Variants in FSTL4 observed in about 807,000 individuals in gnomAD.
The protein encoded by FSTL4 is follistatin like 4.
In FSTL4, 28 loss-of-function variants were observed where a neutral mutation model predicts 78.2. That is an observed-to-expected ratio of 0.36 (90% CI 0.27 to 0.49). The LOEUF is 0.49. Among genes scored for constraint, FSTL4 ranks in the 20% least tolerant of loss-of-function variants. The probability of loss-of-function intolerance (pLI) is 0.98; values close to 1 mark genes in which losing one functional copy is unlikely to be tolerated. For missense variants in FSTL4, 922 were observed against 1,084.9 expected, an observed-to-expected ratio of 0.85 and a Z score of 2.11; for synonymous variants, 422 against 440.5, an observed-to-expected ratio of 0.96 and a Z score of 0.53.
Position 133,249,561 on chromosome 5 carries a change from C to A in FSTL4, c.743G>T (p.Ser248Ile). ...FYMAFQVVQL[S>I]LAPEDRVSVT... is the part of the protein sequence containing the mutation. Reference sequence around the variant, plus strand: ...ACTGACCCTGTCCTCGGGGGCGAGGCTGAGCTGAACCACTTCTGCAGAGGG... The same window carrying A: ...ACTGACCCTGTCCTCGGGGGCGAGGATGAGCTGAACCACTTCTGCAGAGGG... The change falls in exon 7 of 16, where the codon AGC becomes ATC. Residue 248 changes from serine (S) to isoleucine (I), a missense_variant. Transcript: ENST00000265342. The A allele has an allele frequency of 6.2e-7, 1 of 1,612,048 alleles. No homozygotes were observed. The highest frequency in any genetic ancestry group is 8.5e-7 in the Non-Finnish European group (1 of 1,178,658).
chr5:133,373,222 C>T (rs1755354773), intron 4 of FSTL4, among the ~76,000 whole-genome samples: 1 of 152,222 alleles, frequency 6.6e-6, no homozygotes. Flanking sequence ...TAATCCCTGC[C>T]AGGAAGGCCT....
At chr5:133,350,291 C>G (rs144359458) in intron 4 of FSTL4, among the ~76,000 whole-genome samples, 1 of 152,332 alleles carries the variant, frequency 6.6e-6, no homozygotes, top group African/African-American at 2.4e-5. Flanking sequence ...ATACACTTAC[C>G]AAGAGTGATG....
the FSTL4 span, among the ~76,000 whole-genome samples, chr5:133,774,980 GA>G: frequency 7.4e-6 from 1 of 135,762 alleles, no homozygotes; most frequent in African/African-American, 2.8e-5. Context: ...CTTCTAAAAT[GA>G]CAAAAAAAAA....
chr5:133,792,233 C>G, the FSTL4 span, among the ~76,000 whole-genome samples: 2 of 152,098 alleles, frequency 1.3e-5, no homozygotes, highest in Admixed American at 6.5e-5. Context: ...TCAGGCCCCA[C>G]CCCAGGCCCC....
chr5:133,535,243 G>C (rs1447781787), intron 3 of FSTL4, among the ~76,000 whole-genome samples: 3 of 152,146 alleles, frequency 2.0e-5, no homozygotes, highest in Admixed American at 6.5e-5. Context: ...AGAACTGTTG[G>C]GAGCAAGCCC....
chr5:133,509,199 G>A (rs944428577), intron 3 of FSTL4, among the ~76,000 whole-genome samples: 3 of 152,148 alleles, frequency 2.0e-5, no homozygotes, highest in Non-Finnish European at 4.4e-5. Context: ...CCACAGCAGA[G>A]CTGCCCTGCT....
intron 6 of FSTL4, among the ~76,000 whole-genome samples, chr5:133,254,740 G>C (rs140328868): frequency 6.6e-6 from 1 of 152,352 alleles, no homozygotes; most frequent in African/African-American, 2.4e-5. Flanking sequence ...CTTCTCTGGA[G>C]AGTGATGGGG....
At chr5:133,651,884 T>C in the FSTL4 span, among the ~76,000 whole-genome samples, 1 of 152,188 alleles carries the variant, frequency 6.6e-6, no homozygotes, top group African/African-American at 2.4e-5. Flanking sequence ...AAATGTTTGA[T>C]AGAATTCACC....
Position 133,533,796 on chromosome 5 carries a change from G to C in FSTL4, c.160+33390C>G, listed in dbSNP as rs75538406. 5.4e-4 allele frequency among the ~76,000 whole-genome samples: 82 copies of C among 152,234 alleles called. 1 individual carries two copies. The East Asian group carries it at 0.011, about 20-fold the overall frequency. ...TGAGCCTCAATAAGGAAGAGTGGGT[G>C]GTGGATCTAAGTGCCCCTGAGGAGT... On this transcript the variant is annotated intron_variant, in intron 3 of 15. Coordinates refer to ENST00000265342, the MANE Select transcript of FSTL4 (RefSeq NM_015082.2).
In FSTL4 at chr5:133,603,936, G is replaced by A. The variant is rs1459651963; in HGVS notation, c.48C>T (p.Ser16=). ...FWLHLTLLGA[S]LPAALGWMDP... ...CCATCCATCCCAGCGCAGCCGGCAG[G>A]GAGGCTCCGAGCAGTGTGAGATGCA... Residue 16 remains serine, a synonymous_variant, in exon 2 of 16, where the codon TCC becomes TCT. Coordinates refer to ENST00000265342, the MANE Select transcript of FSTL4 (RefSeq NM_015082.2). 1 of 1,613,648 alleles carries A rather than the reference G, an allele frequency of 6.2e-7. No homozygotes were observed. The highest frequency in any genetic ancestry group is 1.7e-5 in the Admixed American group (1 of 60,022).
chr5:133,332,070 G>A lies in FSTL4; in HGVS notation c.410-15418C>T, dbSNP rs535864669. Among the ~76,000 whole-genome samples the A allele has an allele frequency of 2.6e-5, 4 of 152,334 alleles. No homozygotes were observed. The East Asian group carries it at 5.8e-4, about 22-fold the overall frequency. On this transcript the variant is annotated intron_variant, in intron 4 of 15. Coordinates refer to ENST00000265342, the MANE Select transcript of FSTL4 (RefSeq NM_015082.2). ...GCAGGGCCTGGCAGTGTGAGAAGCCGGGGCTGCCGAGGGAGGGTTGGCAGT... is the reference window on the plus strand; with the variant it reads ...GCAGGGCCTGGCAGTGTGAGAAGCCAGGGCTGCCGAGGGAGGGTTGGCAGT...
chr5:133,642,480 G>T, the FSTL4 span, among the ~76,000 whole-genome samples: 2 of 152,230 alleles, frequency 1.3e-5, no homozygotes, highest in South Asian at 4.2e-4. Flanking sequence ...TTTTTAATGA[G>T]CTGAGTCAAC....
chr5:133,787,638 G>A, the FSTL4 span, among the ~76,000 whole-genome samples: 20 of 142,696 alleles, frequency 1.4e-4, no homozygotes, highest in African/African-American at 5.3e-4. Context: ...AATCCTCACT[G>A]GAGTCCAACA....
intron 3 of FSTL4, among the ~76,000 whole-genome samples, chr5:133,561,548 C>T (rs1441399132): frequency 6.6e-6 from 1 of 152,078 alleles, no homozygotes. Context: ...TTGTGGCCAT[C>T]CTGGAAGGCT....
At chr5:133,491,953 T>C (rs1758275061) in intron 3 of FSTL4, among the ~76,000 whole-genome samples, 1 of 152,238 alleles carries the variant, frequency 6.6e-6, no homozygotes, top group African/African-American at 2.4e-5. Context: ...TTACCACTTA[T>C]GATGCCTTTA....
intron 3 of FSTL4, among the ~76,000 whole-genome samples, chr5:133,549,810 G>T (rs955159171): frequency 6.6e-6 from 1 of 152,164 alleles, no homozygotes; most frequent in Non-Finnish European, 1.5e-5. Context: ...TGTGGTTCCT[G>T]TTCTCAGAGG....
At chr5:133,207,566 G>A (rs1407875954) in intron 14 of FSTL4, among the ~76,000 whole-genome samples, 3 of 152,120 alleles carry the variant, frequency 2.0e-5, no homozygotes, top group African/African-American at 7.2e-5. Context: ...AACATTCTCT[G>A]TATCCTCTCT....
At chr5:133,837,198 G>A in the FSTL4 span, among the ~76,000 whole-genome samples, 6 of 151,256 alleles carry the variant, frequency 4.0e-5, no homozygotes, top group Non-Finnish European at 8.8e-5. Flanking sequence ...CTCCTCCACT[G>A]CATCTAATAT....
At chr5:133,595,736 C>T (rs1010237377) in intron 2 of FSTL4, among the ~76,000 whole-genome samples, 13 of 152,192 alleles carry the variant, frequency 8.5e-5, no homozygotes, top group African/African-American at 2.7e-4. Context: ...GCAATCTGTG[C>T]CGGGCACCTC....
Sources: gnomAD v4.1 joint callset for allele counts (sites outside exome capture counted in the v4.1 genomes callset) on GRCh38, gnomAD v4.1.1 for gene constraint, MANE v1.5 for transcripts, NCBI Gene and HGNC (gene_info 2026-07-23, HGNC 2026-07-21) for gene names.